Variants in KMT5B observed in about 807,000 individuals in gnomAD.
KMT5B encodes lysine methyltransferase 5B.
KMT5B carries 10 observed loss-of-function variants against 83.2 expected under a neutral mutation model. The observed-to-expected ratio is 0.12, with a 90% CI of 0.07 to 0.20. KMT5B has a LOEUF of 0.20. Ranked by LOEUF, KMT5B falls within the 10% of genes least tolerant of loss-of-function variation. KMT5B has a pLI of 1.00. For synonymous variants in KMT5B, 349 were observed against 388.8 expected, an observed-to-expected ratio of 0.90 and a Z score of 1.20; for missense variants, 753 against 1,067.2, an observed-to-expected ratio of 0.71 and a Z score of 4.10.
Position 68,174,085 on chromosome 11 carries a change from T to C in KMT5B, c.544-172A>G, listed in dbSNP as rs574240653. The stretch of plus-strand genomic sequence containing the variant: ...AACATTAGCCAAGCATGATGGCATG[T>C]ACCTTTAGTGCCAGCTACGTGGGAG... On this transcript the variant is annotated intron_variant, in intron 5 of 10. Transcript: ENST00000304363. The C allele has an allele frequency of 4.3e-4, 282 of 662,684 alleles. 2 individuals are homozygous for C. Among genetic ancestry groups the C allele is most frequent in the South Asian group, 4.2e-3 (276 of 66,412 alleles). The allele number at this position is 662,684 out of a possible 1,614,324, so 41.1% of individuals were successfully genotyped here. A position where few individuals can be genotyped will look rare whatever the true frequency, so the allele number is the denominator to read the frequency against.
chr11:68,179,759 G>A, intron 4 of KMT5B: 1 of 629,374 alleles, frequency 1.6e-6, no homozygotes, highest in Non-Finnish European at 2.2e-6. Flanking sequence ...TCTGAAGAAA[G>A]TTTAGCTGCA....
At position 68,157,980 on chromosome 11, in the gene KMT5B, C is replaced by T. The variant is rs774241893; in HGVS notation, c.2366G>A (p.Gly789Glu). 1.9e-6 allele frequency: 3 copies of T among 1,614,104 alleles called. No homozygotes were observed. The highest frequency in any genetic ancestry group is 2.2e-5 in the East Asian group (1 of 44,872). Residue 789 changes from glycine to glutamate, a missense_variant, in exon 11 of 11, where the codon GGG becomes GAG. Physicochemically the swap from Gly to Glu is moderately conservative, Grantham distance 98. This residue lies in a region of KMT5B where 161 missense variants were observed against 195.1 expected (regional missense o/e 0.83). Transcript: ENST00000304363. The part of the protein sequence containing the change: ...IQLKRDEENR[G>E]SYTEGLHENG... ...TTCATGAAGCCCCTCTGTATAAGAC[C>T]CCCTATTTTCCTCATCTCGTTTTAG...
chr11:68,198,711 A>C (rs1859041679), intron 1 of KMT5B, among the ~76,000 whole-genome samples: 1 of 152,126 alleles, frequency 6.6e-6, no homozygotes, highest in Non-Finnish European at 1.5e-5. Context: ...GTTAGGAAAA[A>C]CATTTCAAGA....
chr11:68,168,938 A>C (rs1855579930), intron 9 of KMT5B, among the ~76,000 whole-genome samples: 1 of 152,212 alleles, frequency 6.6e-6, no homozygotes, highest in Non-Finnish European at 1.5e-5. Flanking sequence ...CTGTTCAGTT[A>C]ATATGTAATG....
rs199581094 is a variant in KMT5B at position 68,158,783 on chromosome 11, A to G, written c.1563T>C (p.Pro521=). 6.8e-5 allele frequency: 110 copies of G among 1,614,048 alleles called. 1 individual carries two copies. In the Middle Eastern group the frequency reaches 8.2e-4, roughly 12 times the overall value. Residue 521 remains proline (P), a synonymous_variant, in exon 11 of 11, where the codon CCT becomes CCC. Coordinates refer to ENST00000304363, the MANE Select transcript of KMT5B (RefSeq NM_017635.5). ...RHAAREHRQN[P]VRGAHSQGES... is the part of the protein sequence containing the mutation. ...CCCCCTGCGAATGAGCACCTCTCAC[A>G]GGATTCTGTCTGTGTTCTCTCGCCG... is the stretch of plus-strand genomic sequence containing the variant.
intron 2 of KMT5B, 106 bp downstream of exon 2, chr11:68,189,811 C>CA (rs1857846571): frequency 1.7e-6 from 2 of 1,197,950 alleles, no homozygotes; most frequent in East Asian, 2.6e-5. Context: ...TATGAAAATG[C>CA]AAAAAATTAT....
At chr11:68,161,880 C>T (rs74958069) in intron 10 of KMT5B, among the ~76,000 whole-genome samples, 1,819 of 152,230 alleles carry the variant, frequency 0.012, 34 homozygotes, top group African/African-American at 0.038. Context: ...TGGCCAGACC[C>T]GCTCCTAACT....
intron 1 of KMT5B, among the ~76,000 whole-genome samples, chr11:68,210,474 T>G (rs903862271): frequency 6.6e-6 from 1 of 152,198 alleles, no homozygotes; most frequent in Admixed American, 6.5e-5. Flanking sequence ...GGAAGTGACC[T>G]CAGAGTCGTT....
chr11:68,168,912 G>A (rs1228262935), intron 9 of KMT5B, among the ~76,000 whole-genome samples: 2 of 152,238 alleles, frequency 1.3e-5, no homozygotes, highest in East Asian at 3.9e-4. Flanking sequence ...CATGCACTTG[G>A]CCTAACATTA....
rs368056201 is a variant in KMT5B, at chr11:68,198,662, CA to C, written c.-76-8511del. 1.5e-3 allele frequency among the ~76,000 whole-genome samples: 232 copies of C among 152,330 alleles called. 1 individual carries two copies. Among genetic ancestry groups the C allele is most frequent in the African/African-American group, 5.2e-3 (215 of 41,570 alleles). On this transcript the variant is annotated intron_variant, in intron 1 of 10. Transcript: ENST00000304363. The stretch of plus-strand genomic sequence containing the variant: ...CTCTGAGCTAATTAGCCACTGACTA[CA>C]TTTAGAAGTAAAAATTGCCTCAATT...
intron 10 of KMT5B, among the ~76,000 whole-genome samples, chr11:68,161,558 T>C (rs1456991019): frequency 6.6e-6 from 1 of 152,194 alleles, no homozygotes; most frequent in African/African-American, 2.4e-5. Context: ...GGATCCAGCC[T>C]GCTCCTCCAA....
intron 10 of KMT5B, chr11:68,166,064 T>C: frequency 1.9e-6 from 3 of 1,550,352 alleles, no homozygotes; most frequent in Non-Finnish European, 2.6e-6. Context: ...TCACTGGACA[T>C]TTAAGTGCCA....
At chr11:68,207,982 G>A (rs2153090643) in intron 1 of KMT5B, among the ~76,000 whole-genome samples, 2 of 150,470 alleles carry the variant, frequency 1.3e-5, no homozygotes, top group East Asian at 4.2e-4. Flanking sequence ...GGAATTACAG[G>A]TGCCCACCAC....
intron 2 of KMT5B, 82 bp downstream of exon 2, chr11:68,189,833 GAA>G: frequency 7.5e-7 from 1 of 1,334,672 alleles, no homozygotes; most frequent in Non-Finnish European, 1.0e-6. Context: ...TAAGACAAAA[GAA>G]AACAGAATAC....
intron 3 of KMT5B, among the ~76,000 whole-genome samples, chr11:68,183,215 CAA>C (rs61512911): frequency 1.4e-4 from 17 of 119,068 alleles, no homozygotes; most frequent in Admixed American, 1.8e-4. Flanking sequence ...TTTCTTAACT[CAA>C]AAAAAAAAAA....
At chr11:68,204,770 C>G (rs563125025) in intron 1 of KMT5B, among the ~76,000 whole-genome samples, 67 of 152,164 alleles carry the variant, frequency 4.4e-4, no homozygotes, top group African/African-American at 1.5e-3. Flanking sequence ...GCACCTGCTG[C>G]CACGCCAGGC....
chr11:68,189,723 A>T (rs1237956870), intron 2 of KMT5B, 194 bp downstream of exon 2: 3 of 428,832 alleles, frequency 7.0e-6, no homozygotes, highest in African/African-American at 2.1e-5. Flanking sequence ...TATATGAAGC[A>T]TTAAACTTGA....
chr11:68,195,843 G>A (rs1030475226), intron 1 of KMT5B, among the ~76,000 whole-genome samples: 1 of 152,162 alleles, frequency 6.6e-6, no homozygotes, highest in African/African-American at 2.4e-5. Flanking sequence ...GTAAATGTGT[G>A]TATACTTGGT....
At position 68,185,358 on chromosome 11, in the gene KMT5B, A is replaced by G. The variant is rs1243121421; in HGVS notation, c.308+423T>C. Among the ~76,000 whole-genome samples, 3 of 152,218 alleles carry G rather than the reference A, an allele frequency of 2.0e-5. No homozygotes were observed. The East Asian group carries it at 5.8e-4, about 29-fold the overall frequency. The stretch of plus-strand genomic sequence containing the variant: ...GTAGCTGGGATTACAGGCATGTGCC[A>G]CCTGCCTGGCTAATTTTTTTTGTAC... On this transcript the variant is annotated intron_variant, in intron 3 of 10. Transcript: ENST00000304363.
Sources: allele counts gnomAD v4.1 joint callset (sites outside exome capture counted in the v4.1 genomes callset), GRCh38; gene constraint gnomAD v4.1.1; regional missense constraint gnomAD v4.1.1; transcripts MANE v1.5; gene names NCBI Gene and HGNC (gene_info 2026-07-23, HGNC 2026-07-21).